NCK1: variants seen among roughly 807,000 people sequenced by gnomAD.
NCK1 encodes NCK adaptor protein 1.
NCK1 carries 19 observed loss-of-function variants against 36.6 expected under a neutral mutation model. The ratio of observed to expected loss-of-function variants is 0.52; its 90% CI spans 0.36 to 0.76. The LOEUF is 0.76. Among genes scored for constraint, NCK1 ranks in the 30% least tolerant of loss-of-function variants. The pLI is 0.00. For missense variants in NCK1, 358 were observed against 445.6 expected (o/e 0.80, Z 1.77); for synonymous variants, 165 against 156.0 (o/e 1.06, Z -0.43).
At chr3:136,885,947 G>T (rs1318337247) in intron 1 of NCK1, among the ~76,000 whole-genome samples, 1 of 152,154 alleles carries the variant, frequency 6.6e-6, no homozygotes, top group Non-Finnish European at 1.5e-5. Flanking sequence ...TTTAATAGGA[G>T]TTTTCTGATC....
At chr3:136,882,348 T>C (rs1287736394) in intron 1 of NCK1, among the ~76,000 whole-genome samples, 1 of 152,210 alleles carries the variant, frequency 6.6e-6, no homozygotes, top group Non-Finnish European at 1.5e-5. Context: ...CGTTTGCCCA[T>C]TTTTCATTTG....
At chr3:136,863,269 G>A (rs925037280) in intron 1 of NCK1, among the ~76,000 whole-genome samples, 13 of 152,166 alleles carry the variant, frequency 8.5e-5, no homozygotes, top group African/African-American at 3.1e-4. Flanking sequence ...CCCAAAACGG[G>A]TGTTGCCAAA....
intron 1 of NCK1, among the ~76,000 whole-genome samples, chr3:136,884,503 G>A (rs1939023765): frequency 6.6e-6 from 1 of 152,034 alleles, no homozygotes; most frequent in South Asian, 2.1e-4. Flanking sequence ...GTGCAGTGGT[G>A]CAGGCTTGCT....
intron 1 of NCK1, among the ~76,000 whole-genome samples, chr3:136,895,407 T>A (rs900735390): frequency 3.3e-5 from 5 of 151,718 alleles, no homozygotes; most frequent in Non-Finnish European, 7.4e-5. Flanking sequence ...CCACCTTTTT[T>A]AAAAAATTGC....
chr3:136,930,808 GT>G (rs765949151), intron 2 of NCK1, among the ~76,000 whole-genome samples: 6 of 152,150 alleles, frequency 3.9e-5, no homozygotes, highest in Non-Finnish European at 7.4e-5. Flanking sequence ...TAGCATGAAT[GT>G]TTAACAAGTA....
At chr3:136,883,606 G>A (rs188775902) in intron 1 of NCK1, among the ~76,000 whole-genome samples, 155 of 152,280 alleles carry the variant, frequency 1.0e-3, no homozygotes, top group African/African-American at 3.6e-3. Flanking sequence ...AGAAAGAGGT[G>A]TCTGTCGTGC....
At chr3:136,908,668 A>G (rs1017472722) in intron 1 of NCK1, among the ~76,000 whole-genome samples, 1 of 152,232 alleles carries the variant, frequency 6.6e-6, no homozygotes, top group Non-Finnish European at 1.5e-5. Context: ...TCTAACTCCA[A>G]AGGAGACTGA....
At position 136,951,532 on chromosome 3, in the gene NCK1, C is replaced by T. The variant is rs1217943042; in HGVS notation, c.*3079C>T. Among the ~76,000 whole-genome samples, 5 of 152,128 alleles carry T rather than the reference C, an allele frequency of 3.3e-5. No homozygotes were observed. Among genetic ancestry groups the T allele is most frequent in the Non-Finnish European group, 1.5e-5 (1 of 68,010 alleles). On this transcript the variant is annotated 3_prime_UTR_variant, in exon 4 of 4. Coordinates refer to ENST00000481752, the MANE Select transcript of NCK1 (RefSeq NM_001291999.2). ...TGAGCTGGAATCTAATATGGATGGTCCTCTTATCTTTACCAGTGCACATGG... is the reference window on the plus strand; with the variant it reads ...TGAGCTGGAATCTAATATGGATGGTTCTCTTATCTTTACCAGTGCACATGG...
chr3:136,905,799 A>AT (rs1376595098), intron 1 of NCK1, among the ~76,000 whole-genome samples: 4 of 149,354 alleles, frequency 2.7e-5, no homozygotes, highest in Non-Finnish European at 5.9e-5. Context: ...TAATTTTTGT[A>AT]TTTTTTTTAG....
chr3:136,873,688 C>T (rs1001803322), intron 1 of NCK1, among the ~76,000 whole-genome samples: 1 of 152,058 alleles, frequency 6.6e-6, no homozygotes, highest in Non-Finnish European at 1.5e-5. Flanking sequence ...GTGGGAGGAA[C>T]CTGGTGGGAG....
At chr3:136,867,146 T>A (rs1938463293) in intron 1 of NCK1, among the ~76,000 whole-genome samples, 1 of 57,852 alleles carries the variant, frequency 1.7e-5, no homozygotes, top group African/African-American at 5.8e-5. Context: ...CCTTCCTTCC[T>A]TCCTTCCTTC....
rs1940973519 is a variant in NCK1 at position 136,951,584 on chromosome 3, GTC to G, written c.*3133_*3134del. Among the ~76,000 whole-genome samples the G allele has an allele frequency of 6.6e-6, 1 of 152,088 alleles. No homozygotes were observed. The highest frequency in any genetic ancestry group is 1.5e-5 in the Non-Finnish European group (1 of 68,008). ...GAAAAAATTCAAACAGTATAATAAA[GTC>G]TTCTTTCAAGTCAAAATATAGAGAC... On this transcript the variant is annotated 3_prime_UTR_variant, in exon 4 of 4. Transcript: ENST00000481752.
chr3:136,923,662 A>T (rs1320266027), intron 1 of NCK1, among the ~76,000 whole-genome samples: 1 of 152,184 alleles, frequency 6.6e-6, no homozygotes, highest in Non-Finnish European at 1.5e-5. Flanking sequence ...ACCTCTCTAA[A>T]TGTTTTAAAT....
intron 2 of NCK1, among the ~76,000 whole-genome samples, chr3:136,941,412 G>A (rs1940673659): frequency 1.3e-5 from 2 of 152,094 alleles, no homozygotes; most frequent in African/African-American, 4.8e-5. Context: ...TTACAGGTGT[G>A]AGCCTCTGTG....
In NCK1 at chr3:136,948,599, T is replaced by G. The variant is rs1940890749; in HGVS notation, c.*146T>G. Reference sequence around the variant, plus strand: ...TGACAATAAGTATTTTTATTATAACTCAGCCCATACATATATACTATGTAT... The same window carrying G: ...TGACAATAAGTATTTTTATTATAACGCAGCCCATACATATATACTATGTAT... On this transcript the variant is annotated 3_prime_UTR_variant, in exon 4 of 4. Coordinates refer to ENST00000481752, the MANE Select transcript of NCK1 (RefSeq NM_001291999.2). 1.3e-5 allele frequency: 9 copies of G among 681,418 alleles called. No homozygotes were observed. The highest frequency in any genetic ancestry group is 2.0e-5 in the Non-Finnish European group (8 of 406,590). 42.2% of individuals were successfully genotyped at this position (681,418 alleles called of 1,614,324 possible).
chr3:136,880,471 A>T (rs2108077215), intron 1 of NCK1, among the ~76,000 whole-genome samples: 1 of 152,162 alleles, frequency 6.6e-6, no homozygotes, highest in African/African-American at 2.4e-5. Flanking sequence ...ACTAGGAGGG[A>T]GCCTAGAGCA....
chr3:136,867,113 T>C (rs4678449), intron 1 of NCK1, among the ~76,000 whole-genome samples: 41 of 28,884 alleles, frequency 1.4e-3, no homozygotes, highest in African/African-American at 1.7e-3. Context: ...TCTTTCTTTC[T>C]TTCTTTGTTT....
At chr3:136,890,248 G>A (rs1194517062) in intron 1 of NCK1, among the ~76,000 whole-genome samples, 1 of 152,098 alleles carries the variant, frequency 6.6e-6, no homozygotes, top group African/African-American at 2.4e-5. Context: ...CGGGTGCTAA[G>A]CCCCCCACTG....
chr3:136,933,257 G>A (rs77994069), intron 2 of NCK1, among the ~76,000 whole-genome samples: 1 of 152,310 alleles, frequency 6.6e-6, no homozygotes, highest in East Asian at 1.9e-4. Context: ...AAAACATGAT[G>A]TAATTAATCC....
Sources: allele counts gnomAD v4.1 joint callset (sites outside exome capture counted in the v4.1 genomes callset), GRCh38; gene constraint gnomAD v4.1.1; transcripts MANE v1.5; gene names NCBI Gene and HGNC (gene_info 2026-07-23, HGNC 2026-07-21).